Variants in ZC3H4 observed in about 807,000 individuals in gnomAD.
ZC3H4 encodes zinc finger CCCH domain-containing protein 4.
A neutral mutation model predicts 108.3 loss-of-function variants in ZC3H4; 13 were observed. The ratio of observed to expected loss-of-function variants is 0.12; its 90% CI spans 0.08 to 0.19. ZC3H4 has a LOEUF of 0.19. Ranked by LOEUF, ZC3H4 falls within the 10% of genes least tolerant of loss-of-function variation. ZC3H4 has a pLI of 1.00. For missense variants in ZC3H4, 1,734 were observed against 1,838.8 expected (o/e 0.94, Z 1.04); for synonymous variants, 917 against 749.6 (o/e 1.22, Z -3.65).
rs1241972972 is a variant in ZC3H4 at position 47,065,373 on chromosome 19, C to G, written c.*983G>C. ...AAAACAGAGAACACTTGGCCAGGAG[C>G]CACCCCAGGGTCCCCATTGTTGGGG... On this transcript the variant is annotated 3_prime_UTR_variant, in exon 15 of 15. Transcript: ENST00000253048. 1 of 152,316 alleles carries G rather than the reference C, an allele frequency of 6.6e-6. No homozygotes were observed. Among genetic ancestry groups the G allele is most frequent in the Non-Finnish European group, 1.5e-5 (1 of 68,300 alleles). The allele number at this position is 152,316 out of a possible 1,614,324, so 9.4% of individuals were successfully genotyped here.
intron 8 of ZC3H4, 149 bp from the exon 9 acceptor site, chr19:47,084,604 G>A: frequency 1.3e-6 from 1 of 750,090 alleles, no homozygotes. Flanking sequence ...TAACACGGAG[G>A]CTGCGTGCAC....
At chr19:47,093,930 T>C in intron 4 of ZC3H4, 40 bp downstream of exon 4, 1 of 1,567,968 alleles carries the variant, frequency 6.4e-7, no homozygotes, top group Non-Finnish European at 8.8e-7. Context: ...GTTGAACTCC[T>C]CCCGGCCCCA....
intron 4 of ZC3H4, among the ~76,000 whole-genome samples, chr19:47,091,942 CTCA>C (rs1171879788): frequency 1.3e-5 from 2 of 151,712 alleles, no homozygotes; most frequent in African/African-American, 4.8e-5. Flanking sequence ...CGCATGGTGG[CTCA>C]TGTCTGCAAT....
intron 2 of ZC3H4, among the ~76,000 whole-genome samples, chr19:47,104,507 C>T (rs905970374): frequency 2.6e-5 from 4 of 152,180 alleles, no homozygotes; most frequent in African/African-American, 9.7e-5. Flanking sequence ...AAGTATCAAT[C>T]TCAGCTCTCA....
At chr19:47,107,862 C>T (rs1423530613) in intron 2 of ZC3H4, among the ~76,000 whole-genome samples, 1 of 152,168 alleles carries the variant, frequency 6.6e-6, no homozygotes, top group Non-Finnish European at 1.5e-5. Flanking sequence ...GCATTAACTC[C>T]TAAAAGCAAA....
chr19:47,094,270 T>A (rs888420022), intron 3 of ZC3H4, 119 bp downstream of exon 3: 9 of 1,228,102 alleles, frequency 7.3e-6, no homozygotes, highest in Admixed American at 4.1e-5. Context: ...TTTATCCAAT[T>A]TGAGATAAGC....
chr19:47,096,015 G>C (rs536115395), intron 2 of ZC3H4, among the ~76,000 whole-genome samples: 1 of 152,284 alleles, frequency 6.6e-6, no homozygotes, highest in East Asian at 1.9e-4. Flanking sequence ...CAGGGCATGT[G>C]GCAGACTCCT....
In ZC3H4 at chr19:47,093,867, T is replaced by C; in HGVS notation, c.492+103A>G. ...AAATTAATACCTGATGGCCCAGGACTGAAACTCACAAAAAATGCCCAGAAC... is the reference window on the plus strand; with the variant it reads ...AAATTAATACCTGATGGCCCAGGACCGAAACTCACAAAAAATGCCCAGAAC... On this transcript the variant is annotated intron_variant, in intron 4 of 14. Transcript: ENST00000253048. The C allele has an allele frequency of 3.1e-6, 3 of 968,962 alleles. 1 individual carries two copies. In the South Asian group the frequency reaches 4.9e-5, roughly 16 times the overall value. 60.0% of individuals were successfully genotyped at this position (968,962 alleles called of 1,614,324 possible).
At chr19:47,086,624 T>C (rs766684175) in intron 5 of ZC3H4, 86 bp from the exon 6 acceptor site, 85 of 1,469,746 alleles carry the variant, frequency 5.8e-5, no homozygotes, top group Non-Finnish European at 7.2e-5. Flanking sequence ...GCTCCTGAGG[T>C]CAATCACTTC....
intron 2 of ZC3H4, among the ~76,000 whole-genome samples, chr19:47,096,367 GGGAGGT>G (rs1208174918): frequency 8.5e-5 from 13 of 152,262 alleles, no homozygotes; most frequent in African/African-American, 3.1e-4. Flanking sequence ...GTCCTGACAA[GGGAGGT>G]GCCTTCCCGC....
chr19:47,089,601 CTT>C (rs1343668972), intron 5 of ZC3H4, among the ~76,000 whole-genome samples: 1 of 152,206 alleles, frequency 6.6e-6, no homozygotes, highest in Non-Finnish European at 1.5e-5. Context: ...TGCAGTCACA[CTT>C]TGTCAGGTGA....
Position 47,090,058 on chromosome 19 carries a change from C to T in ZC3H4, c.624G>A (p.Glu208=), listed in dbSNP as rs757223524. 57 of 1,614,226 alleles carry T rather than the reference C, an allele frequency of 3.5e-5. 2 individuals carry two copies. The South Asian group carries it at 6.1e-4, about 17-fold the overall frequency. ...NEQYGEYEGD[E]EEDMGKEDYD... ...AGTCCTCCTTGCCCATGTCCTCCTC[C>T]TCGTCGCCCTCATATTCCCCATACT... is the stretch of plus-strand genomic sequence containing the variant. The change falls in exon 5 of 15, where the codon GAG becomes GAA. Residue 208 remains glutamate (E), a synonymous_variant. Transcript: ENST00000253048.
chr19:47,108,824 G>A (rs1410836458), intron 2 of ZC3H4, among the ~76,000 whole-genome samples: 1 of 152,124 alleles, frequency 6.6e-6, no homozygotes, highest in Non-Finnish European at 1.5e-5. Flanking sequence ...GAGAGGACAG[G>A]CCATGAATTA....
At chr19:47,084,518 G>C in intron 8 of ZC3H4, 63 bp from the exon 9 acceptor site, 8 of 1,531,682 alleles carry the variant, frequency 5.2e-6, no homozygotes, top group Admixed American at 1.7e-5. Flanking sequence ...TGGGATCGGG[G>C]TTAATAAGAA....
intron 11 of ZC3H4, 123 bp downstream of exon 11, chr19:47,081,390 C>A: frequency 1.3e-6 from 1 of 750,118 alleles, no homozygotes; most frequent in South Asian, 1.6e-5. Flanking sequence ...TTAGAATGGC[C>A]CAATTCCAGA....
intron 5 of ZC3H4, among the ~76,000 whole-genome samples, chr19:47,086,883 A>G (rs895966500): frequency 1.3e-5 from 2 of 152,182 alleles, no homozygotes; most frequent in African/African-American, 4.8e-5. Flanking sequence ...ACAAGATGCT[A>G]GCCTTGAAGT....
intron 2 of ZC3H4, among the ~76,000 whole-genome samples, chr19:47,094,890 T>C (rs1487015322): frequency 1.3e-5 from 2 of 152,142 alleles, no homozygotes; most frequent in East Asian, 1.9e-4. Context: ...ACAGAACTAG[T>C]GTTCTTAGAA....
intron 2 of ZC3H4, among the ~76,000 whole-genome samples, chr19:47,097,789 T>G (rs2123032214): frequency 6.6e-6 from 1 of 152,274 alleles, no homozygotes. Context: ...CATTTCAATC[T>G]AGACCTGCCA....
intron 5 of ZC3H4, among the ~76,000 whole-genome samples, chr19:47,086,948 A>G (rs898259992): frequency 1.3e-5 from 2 of 152,064 alleles, no homozygotes; most frequent in African/African-American, 4.8e-5. Flanking sequence ...CAAGACTCCA[A>G]AACACACATT....
Sources: allele counts gnomAD v4.1 joint callset (sites outside exome capture counted in the v4.1 genomes callset), GRCh38; gene constraint gnomAD v4.1.1; transcripts MANE v1.5; gene names NCBI Gene and HGNC (gene_info 2026-07-23, HGNC 2026-07-21).